CPNE4: variants seen among roughly 807,000 people sequenced by gnomAD.
The protein encoded by CPNE4 is copine-4.
A neutral mutation model predicts 67.9 loss-of-function variants in CPNE4; 25 were observed. That is an observed-to-expected ratio of 0.37 (90% CI 0.27 to 0.51). The LOEUF is 0.51. Ranked by LOEUF, CPNE4 falls within the 20% of genes least tolerant of loss-of-function variation. The pLI is 0.93. For synonymous variants in CPNE4, 242 were observed against 244.9 expected, an observed-to-expected ratio of 0.99 and a Z score of 0.11; for missense variants, 464 against 690.8, an observed-to-expected ratio of 0.67 and a Z score of 3.68.
Position 131,535,309 on chromosome 3 carries a change from T to A in CPNE4, c.1560A>T (p.Ala520=). Residue 520 remains alanine, a synonymous_variant, in exon 16 of 16, where the codon GCA becomes GCT. Coordinates refer to ENST00000429747, the MANE Select transcript of CPNE4 (RefSeq NM_130808.3). The stretch of plus-strand genomic sequence containing the variant: ...TTGGGACTTCAGCCAGCACGCTCTT[T>A]GCCAGGGCAGCTGGAGATGCCTGCA... ...NFKHASPAAL[A]KSVLAEVPNQ... 1 of 1,613,600 alleles carries A rather than the reference T, an allele frequency of 6.2e-7. No homozygotes were observed. The highest frequency in any genetic ancestry group is 8.5e-7 in the Non-Finnish European group (1 of 1,179,918).
intron 1 of CPNE4, among the ~76,000 whole-genome samples, chr3:131,985,252 A>G (rs544528192): frequency 6.6e-6 from 1 of 152,242 alleles, no homozygotes; most frequent in South Asian, 2.1e-4. Context: ...ACCTTCTAAT[A>G]CCATCACATT....
intron 1 of CPNE4, among the ~76,000 whole-genome samples, chr3:132,024,753 G>A (rs575001426): frequency 4.1e-4 from 63 of 152,194 alleles, no homozygotes; most frequent in African/African-American, 1.3e-3. Context: ...TGATTGACAG[G>A]GTGGCTGTGA....
intron 1 of CPNE4, among the ~76,000 whole-genome samples, chr3:131,922,353 C>T (rs1043275800): frequency 5.9e-5 from 9 of 152,162 alleles, no homozygotes; most frequent in Non-Finnish European, 1.2e-4. Context: ...TCCATGCCTT[C>T]GCTATTGTGA....
At chr3:132,037,111 T>C (rs1439228131), upstream of CPNE4, among the ~76,000 whole-genome samples, 2 of 152,230 alleles carry the variant, frequency 1.3e-5, no homozygotes, top group Non-Finnish European at 2.9e-5. Flanking sequence ...AAAGAAGTTA[T>C]AGAGTCAATG....
chr3:131,537,283 GTT>G (rs756997599), intron 15 of CPNE4, among the ~76,000 whole-genome samples: 6 of 123,836 alleles, frequency 4.8e-5, no homozygotes, highest in Admixed American at 8.4e-5. Flanking sequence ...TTTCTTTTCT[GTT>G]TTTTTTTTTT....
At chr3:132,035,934 G>C (rs1194721370), upstream of CPNE4, among the ~76,000 whole-genome samples, 2 of 152,126 alleles carry the variant, frequency 1.3e-5, no homozygotes, top group Non-Finnish European at 2.9e-5. Flanking sequence ...ATCTAACAAA[G>C]CCTCTCCAAC....
Position 131,547,455 on chromosome 3 carries a change from CAAAAAAAAAAAAAAAAAAAAAAAAAAA to C in CPNE4, c.1302+2465_1302+2491del, listed in dbSNP as rs56412825. Among the ~76,000 whole-genome samples the C allele has an allele frequency of 4.4e-4, 16 of 36,544 alleles. 1 individual carries two copies. Among genetic ancestry groups the C allele is most frequent in the East Asian group, 8.1e-4 (1 of 1,236 alleles). The allele number at this position is 36,544 out of a possible 152,430, so 24.0% of individuals were successfully genotyped here. A position where few individuals can be genotyped will look rare whatever the true frequency, so the allele number is the denominator to read the frequency against. On this transcript the variant is annotated intron_variant, in intron 14 of 15. Coordinates refer to ENST00000429747, the MANE Select transcript of CPNE4 (RefSeq NM_130808.3). ...TGGGTGATAGACCAAGACCCTGTCG[CAAAAAAAAAAAAAAAAAAAAAAAAAAA>C]AAAAAAAAAAAAAAAAAAACCTAAT... is the stretch of plus-strand genomic sequence containing the variant.
chr3:131,538,035 C>A (rs970871848), intron 15 of CPNE4, among the ~76,000 whole-genome samples: 3 of 152,172 alleles, frequency 2.0e-5, no homozygotes, highest in Non-Finnish European at 2.9e-5. Flanking sequence ...TTGTTACCAT[C>A]AAAAATGTCA....
At chr3:131,593,321 T>A (rs1188882455) in intron 7 of CPNE4, among the ~76,000 whole-genome samples, 1 of 152,154 alleles carries the variant, frequency 6.6e-6, no homozygotes, top group Non-Finnish European at 1.5e-5. Context: ...TATTTGTGTA[T>A]TCTTTGATTT....
chr3:131,954,309 A>G (rs6798778), intron 1 of CPNE4, among the ~76,000 whole-genome samples: 23,584 of 152,178 alleles, frequency 0.15, 2,047 homozygotes, highest in African/African-American at 0.23. Context: ...TGAATGCTCA[A>G]GTTGAGAGAG....
At chr3:131,947,701 G>A (rs952649331) in intron 1 of CPNE4, among the ~76,000 whole-genome samples, 2 of 152,154 alleles carry the variant, frequency 1.3e-5, no homozygotes, top group African/African-American at 4.8e-5. Flanking sequence ...AAACATACGT[G>A]TGCATGTATC....
chr3:131,810,288 GTC>G (rs1455166677), intron 2 of CPNE4, among the ~76,000 whole-genome samples: 1 of 152,160 alleles, frequency 6.6e-6, no homozygotes, highest in East Asian at 1.9e-4. Context: ...GAATATTTTT[GTC>G]TGTCATATAT....
At chr3:131,608,079 T>C (rs1939611828) in intron 7 of CPNE4, among the ~76,000 whole-genome samples, 2 of 152,214 alleles carry the variant, frequency 1.3e-5, no homozygotes, top group Admixed American at 1.3e-4. Flanking sequence ...TGTATCTGAA[T>C]TTAGGTAAAA....
intron 1 of CPNE4, among the ~76,000 whole-genome samples, chr3:131,919,164 G>T (rs1323313433): frequency 2.0e-5 from 3 of 152,184 alleles, no homozygotes; most frequent in African/African-American, 7.2e-5. Context: ...ATAGTCAACT[G>T]AGAAGTAGCA....
intron 3 of CPNE4, among the ~76,000 whole-genome samples, chr3:131,717,128 C>CA (rs1393319177): frequency 6.6e-6 from 1 of 152,298 alleles, no homozygotes; most frequent in South Asian, 2.1e-4. Flanking sequence ...GCCAAAGTGT[C>CA]AAAACCTGTG....
At chr3:131,927,745 C>CA (rs2070938279) in intron 1 of CPNE4, among the ~76,000 whole-genome samples, 1 of 152,176 alleles carries the variant, frequency 6.6e-6, no homozygotes, top group Non-Finnish European at 1.5e-5. Flanking sequence ...ACCAGAGTTT[C>CA]ATTTTTTTCT....
chr3:131,642,510 T>TA (rs2079565047), intron 7 of CPNE4, among the ~76,000 whole-genome samples: 1 of 152,228 alleles, frequency 6.6e-6, no homozygotes, highest in Non-Finnish European at 1.5e-5. Flanking sequence ...TGTGAAATCC[T>TA]AACACAATTT....
intron 1 of CPNE4, among the ~76,000 whole-genome samples, chr3:132,026,838 A>T (rs1303713269): frequency 6.6e-6 from 1 of 151,006 alleles, no homozygotes; most frequent in South Asian, 2.1e-4. Context: ...TTATAGCCTT[A>T]TATATATGGT....
At chr3:131,819,153 C>G (rs1270816436) in intron 2 of CPNE4, among the ~76,000 whole-genome samples, 1 of 152,012 alleles carries the variant, frequency 6.6e-6, no homozygotes, top group Non-Finnish European at 1.5e-5. Context: ...GTATGTGATT[C>G]CAAAAGATAT....
Sources: gnomAD v4.1 joint callset for allele counts (sites outside exome capture counted in the v4.1 genomes callset) on GRCh38, gnomAD v4.1.1 for gene constraint, MANE v1.5 for transcripts, NCBI Gene and HGNC (gene_info 2026-07-23, HGNC 2026-07-21) for gene names.